Variants in NSMCE2 observed in about 807,000 individuals in gnomAD.
NSMCE2 encodes E3 SUMO-protein ligase NSE2.
In NSMCE2, 24 loss-of-function variants were observed where a neutral mutation model predicts 23.8. The observed-to-expected ratio is 1.01, with a 90% CI of 0.73 to 1.42. The LOEUF (loss-of-function observed/expected upper bound fraction) is 1.42, where lower values mean the gene tolerates loss of function less well. Ranked by LOEUF, NSMCE2 falls within the 40% of genes most tolerant of loss-of-function variation. The pLI, the probability that NSMCE2 is intolerant of heterozygous loss-of-function variation, is 0.00. For missense variants in NSMCE2, 284 were observed against 296.5 expected, an observed-to-expected ratio of 0.96 and a Z score of 0.31; for synonymous variants, 92 against 94.1, an observed-to-expected ratio of 0.98 and a Z score of 0.13.
chr8:125,123,372 T>G (rs1433498251), intron 3 of NSMCE2, among the ~76,000 whole-genome samples: 1 of 152,254 alleles, frequency 6.6e-6, no homozygotes, highest in Admixed American at 6.5e-5. Context: ...ACTAAGCACC[T>G]TCTCTCTGAA....
chr8:125,113,052 G>T (rs1169878652), intron 3 of NSMCE2, among the ~76,000 whole-genome samples: 1 of 92,104 alleles, frequency 1.1e-5, no homozygotes, highest in Non-Finnish European at 1.9e-5. Context: ...TATATTAACA[G>T]AAAATGGGGG....
At chr8:125,359,219 A>C (rs1477974054) in intron 7 of NSMCE2, among the ~76,000 whole-genome samples, 1 of 147,900 alleles carries the variant, frequency 6.8e-6, no homozygotes, top group African/African-American at 2.5e-5. Flanking sequence ...GTGAGCCGAG[A>C]TCATGCCACT....
intron 5 of NSMCE2, among the ~76,000 whole-genome samples, chr8:125,246,749 T>C (rs893166771): frequency 6.6e-6 from 1 of 152,142 alleles, no homozygotes; most frequent in African/African-American, 2.4e-5. Context: ...TTTTTCCTCA[T>C]CTTTATTGAG....
At chr8:125,211,776 G>T (rs1824356792) in intron 5 of NSMCE2, among the ~76,000 whole-genome samples, 1 of 152,192 alleles carries the variant, frequency 6.6e-6, no homozygotes, top group Non-Finnish European at 1.5e-5. Flanking sequence ...TCTGCCACTT[G>T]TATATCCCAG....
At chr8:125,321,719 G>T (rs1586766015) in intron 5 of NSMCE2, among the ~76,000 whole-genome samples, 1 of 152,350 alleles carries the variant, frequency 6.6e-6, no homozygotes, top group East Asian at 1.9e-4. Flanking sequence ...TTCCAGGAAT[G>T]CAAGATTGGT....
At chr8:125,229,909 T>A (rs1358369545) in intron 5 of NSMCE2, among the ~76,000 whole-genome samples, 1 of 152,152 alleles carries the variant, frequency 6.6e-6, no homozygotes, top group Admixed American at 6.5e-5. Flanking sequence ...AACTGTAGAA[T>A]AAACCATATA....
intron 5 of NSMCE2, among the ~76,000 whole-genome samples, chr8:125,287,486 A>G (rs75661639): frequency 2.2e-3 from 336 of 152,266 alleles, no homozygotes; most frequent in African/African-American, 7.7e-3. Context: ...TCTCCTGGCT[A>G]GAGATAACCA....
intron 3 of NSMCE2, among the ~76,000 whole-genome samples, chr8:125,143,584 T>TA (rs1306340735): frequency 6.6e-6 from 1 of 152,218 alleles, no homozygotes; most frequent in African/African-American, 2.4e-5. Flanking sequence ...ATTTTACTAA[T>TA]AAAATGCGTG....
At chr8:125,181,114 C>G (rs1006064752) in intron 4 of NSMCE2, among the ~76,000 whole-genome samples, 12 of 152,162 alleles carry the variant, frequency 7.9e-5, no homozygotes, top group Admixed American at 2.6e-4. Flanking sequence ...TGATGGAGAG[C>G]AGCTGCAGCA....
chr8:125,365,093 A>T, intron 7 of NSMCE2, among the ~76,000 whole-genome samples: 1 of 152,032 alleles, frequency 6.6e-6, no homozygotes, highest in Non-Finnish European at 1.5e-5. Flanking sequence ...TGATGTCTTT[A>T]GCTGCAGCCT....
At chr8:125,353,527 CA>C (rs1486187001) in intron 5 of NSMCE2, among the ~76,000 whole-genome samples, 1 of 152,104 alleles carries the variant, frequency 6.6e-6, no homozygotes, top group Non-Finnish European at 1.5e-5. Flanking sequence ...TAGCCATGAG[CA>C]ATATAATTTC....
intron 5 of NSMCE2, among the ~76,000 whole-genome samples, chr8:125,247,853 G>A (rs761619987): frequency 6.6e-6 from 1 of 152,108 alleles, no homozygotes; most frequent in Non-Finnish European, 1.5e-5. Context: ...AAGACAAGTT[G>A]TAATATTACT....
chr8:125,102,558 G>A, intron 3 of NSMCE2, 71 bp downstream of exon 3: 2 of 1,248,816 alleles, frequency 1.6e-6, no homozygotes, highest in Non-Finnish European at 2.3e-6. Context: ...ATCTGGGGGT[G>A]CCTTTTGAGT....
At chr8:125,222,804 T>A (rs990947633) in intron 5 of NSMCE2, among the ~76,000 whole-genome samples, 5 of 152,196 alleles carry the variant, frequency 3.3e-5, no homozygotes, top group Non-Finnish European at 7.3e-5. Context: ...TGGCACGACC[T>A]GTAATCCCAG....
intron 5 of NSMCE2, among the ~76,000 whole-genome samples, chr8:125,251,643 A>G (rs909071477): frequency 6.6e-6 from 1 of 152,236 alleles, no homozygotes; most frequent in African/African-American, 2.4e-5. Flanking sequence ...TAGCAAAAAT[A>G]GCAACCACTT....
chr8:125,221,910 A>T (rs1824877841), intron 5 of NSMCE2, among the ~76,000 whole-genome samples: 1 of 152,232 alleles, frequency 6.6e-6, no homozygotes, highest in Admixed American at 6.5e-5. Flanking sequence ...TATAAATGAG[A>T]TGATGTGAAA....
At chr8:125,251,377 A>G (rs1355438425) in intron 5 of NSMCE2, among the ~76,000 whole-genome samples, 1 of 152,212 alleles carries the variant, frequency 6.6e-6, no homozygotes, top group Non-Finnish European at 1.5e-5. Context: ...CTTTGAAACA[A>G]TGGAAAATTA....
At chr8:125,320,649 T>C (rs576160711) in intron 5 of NSMCE2, among the ~76,000 whole-genome samples, 4 of 152,148 alleles carry the variant, frequency 2.6e-5, no homozygotes, top group Admixed American at 2.6e-4. Flanking sequence ...CAGCAAAATA[T>C]ATTTTTTAAA....
chr8:125,211,158 G>C (rs1824322365), intron 5 of NSMCE2, among the ~76,000 whole-genome samples: 1 of 152,032 alleles, frequency 6.6e-6, no homozygotes, highest in Admixed American at 6.6e-5. Flanking sequence ...TATTATATAT[G>C]TATATTCTCT....
Sources: allele counts gnomAD v4.1 joint callset (sites outside exome capture counted in the v4.1 genomes callset), GRCh38; gene constraint gnomAD v4.1.1; transcripts MANE v1.5; gene names NCBI Gene and HGNC (gene_info 2026-07-23, HGNC 2026-07-21).